The following PCSK2 variants were observed in gnomAD, a reference collection of about 807,000 sequenced individuals.
The protein encoded by PCSK2 is neuroendocrine convertase 2.
A neutral mutation model predicts 69.7 loss-of-function variants in PCSK2; 14 were observed. The observed-to-expected ratio is 0.20, with a 90% CI of 0.13 to 0.31. The LOEUF is 0.31. Ranked by LOEUF, PCSK2 falls within the 10% of genes least tolerant of loss-of-function variation. PCSK2 has a pLI of 1.00. For missense variants in PCSK2, 544 were observed against 842.5 expected (o/e 0.65, Z 4.39); for synonymous variants, 307 against 320.7 (o/e 0.96, Z 0.46).
chr20:17,269,078 G>T (rs1987754891), intron 2 of PCSK2, among the ~76,000 whole-genome samples: 1 of 152,150 alleles, frequency 6.6e-6, no homozygotes, highest in Non-Finnish European at 1.5e-5. Flanking sequence ...AGTGGTTAGG[G>T]AATTAAGAGT....
intron 1 of PCSK2, among the ~76,000 whole-genome samples, chr20:17,233,929 G>GAGATGTAATTTTT: frequency 6.6e-6 from 1 of 152,090 alleles, no homozygotes. Flanking sequence ...TCTCCTCTGG[G>GAGATGTAATTTTT]GCTTGATGTA....
At chr20:17,362,857 A>G (rs1327629534) in intron 4 of PCSK2, among the ~76,000 whole-genome samples, 1 of 152,242 alleles carries the variant, frequency 6.6e-6, no homozygotes, top group Non-Finnish European at 1.5e-5. Context: ...GTTGAATAGC[A>G]AAATGAGCAC....
chr20:17,385,020 C>A (rs1357259766), intron 5 of PCSK2, among the ~76,000 whole-genome samples: 2 of 152,226 alleles, frequency 1.3e-5, no homozygotes, highest in African/African-American at 2.4e-5. Flanking sequence ...TGGCTAACTA[C>A]ACAGATTCTG....
At chr20:17,391,002 G>A (rs1408248541) in intron 5 of PCSK2, among the ~76,000 whole-genome samples, 3 of 152,146 alleles carry the variant, frequency 2.0e-5, no homozygotes, top group Admixed American at 6.5e-5. Flanking sequence ...AGCCCCTAAT[G>A]ATTGACATTT....
chr20:17,309,343 G>C (rs868830909), intron 2 of PCSK2, among the ~76,000 whole-genome samples: 1 of 152,170 alleles, frequency 6.6e-6, no homozygotes, highest in Non-Finnish European at 1.5e-5. Context: ...CATCCTTACT[G>C]TGTTCCAGAA....
chr20:17,446,483 A>T (rs779285360), intron 8 of PCSK2, among the ~76,000 whole-genome samples: 1 of 152,064 alleles, frequency 6.6e-6, no homozygotes, highest in Non-Finnish European at 1.5e-5. Context: ...GGCTTATAAG[A>T]CCTCACCCAA....
intron 11 of PCSK2, among the ~76,000 whole-genome samples, chr20:17,478,095 A>G (rs1261442117): frequency 6.6e-5 from 10 of 152,218 alleles, no homozygotes; most frequent in Admixed American, 6.5e-4. Flanking sequence ...TTTTACATGC[A>G]CTTTTAACTT....
chr20:17,452,493 C>T (rs1332886123), intron 8 of PCSK2, among the ~76,000 whole-genome samples: 3 of 152,348 alleles, frequency 2.0e-5, no homozygotes, highest in South Asian at 4.1e-4. Flanking sequence ...GTAATCCAGT[C>T]ATCTCTCTTC....
At chr20:17,230,988 A>G (rs4814597) in intron 1 of PCSK2, among the ~76,000 whole-genome samples, 67,458 of 152,110 alleles carry the variant, frequency 0.44, 15,861 homozygotes, top group African/African-American at 0.6. Flanking sequence ...TAATGACAAA[A>G]GCATTATTCC....
chr20:17,286,934 T>C (rs557775137), intron 2 of PCSK2, among the ~76,000 whole-genome samples: 7 of 152,194 alleles, frequency 4.6e-5, no homozygotes, highest in Non-Finnish European at 1.0e-4. Flanking sequence ...TATGCAATTG[T>C]GAAGGCTGGC....
At chr20:17,269,576 C>T (rs1406254734) in intron 2 of PCSK2, among the ~76,000 whole-genome samples, 1 of 152,140 alleles carries the variant, frequency 6.6e-6, no homozygotes, top group African/African-American at 2.4e-5. Flanking sequence ...ATGGTTCACA[C>T]ATGAACTTAT....
intron 8 of PCSK2, among the ~76,000 whole-genome samples, chr20:17,439,929 G>A (rs1374948337): frequency 6.6e-6 from 1 of 152,168 alleles, no homozygotes; most frequent in African/African-American, 2.4e-5. Context: ...CCAGGGGAAG[G>A]AAGCACATAG....
intron 5 of PCSK2, among the ~76,000 whole-genome samples, chr20:17,402,056 C>A (rs2031649006): frequency 6.6e-6 from 1 of 152,190 alleles, no homozygotes; most frequent in Non-Finnish European, 1.5e-5. Context: ...GCAAGCCGAG[C>A]AAGAAGACAT....
intron 6 of PCSK2, among the ~76,000 whole-genome samples, chr20:17,427,887 G>A (rs1274115003): frequency 1.3e-5 from 2 of 152,186 alleles, no homozygotes; most frequent in Non-Finnish European, 2.9e-5. Context: ...AGGGTGGCAA[G>A]AGAAAGCAGA....
At chr20:17,396,055 C>T (rs1357914608) in intron 5 of PCSK2, among the ~76,000 whole-genome samples, 1 of 152,154 alleles carries the variant, frequency 6.6e-6, no homozygotes, top group East Asian at 1.9e-4. Context: ...GGCGGAGAAG[C>T]TTTGAGCATC....
chr20:17,246,076 T>TGATA (rs1986761197), intron 1 of PCSK2, among the ~76,000 whole-genome samples: 1 of 152,210 alleles, frequency 6.6e-6, no homozygotes, highest in Admixed American at 6.5e-5. Flanking sequence ...ATCTATGACA[T>TGATA]GATACTCTGC....
chr20:17,326,711 A>G (rs889057023), intron 2 of PCSK2, among the ~76,000 whole-genome samples: 1 of 152,262 alleles, frequency 6.6e-6, no homozygotes, highest in African/African-American at 2.4e-5. Flanking sequence ...TCTAGACTCA[A>G]CAAGTTCTTA....
chr20:17,316,112 T>C (rs1989681616), intron 2 of PCSK2, among the ~76,000 whole-genome samples: 1 of 152,192 alleles, frequency 6.6e-6, no homozygotes, highest in African/African-American at 2.4e-5. Flanking sequence ...ATCTCAGTCG[T>C]CCTGACCGCA....
intron 6 of PCSK2, among the ~76,000 whole-genome samples, chr20:17,423,952 A>T (rs1407764594): frequency 6.6e-6 from 1 of 152,192 alleles, no homozygotes; most frequent in Non-Finnish European, 1.5e-5. Context: ...ACATTCAACA[A>T]TGATCAATGT....
Sources: allele counts gnomAD v4.1 joint callset (sites outside exome capture counted in the v4.1 genomes callset), GRCh38; gene constraint gnomAD v4.1.1; transcripts MANE v1.5; gene names NCBI Gene and HGNC (gene_info 2026-07-23, HGNC 2026-07-21).